The following HGF variants were observed in gnomAD, a reference collection of about 807,000 sequenced individuals.
HGF encodes the protein fibroblast-derived tumor cytotoxic factor.
In HGF, 39 loss-of-function variants were observed where a neutral mutation model predicts 111.6. The ratio of observed to expected loss-of-function variants is 0.35; its 90% CI spans 0.27 to 0.46. HGF has a LOEUF of 0.46. Ranked by LOEUF, HGF falls within the 20% of genes least tolerant of loss-of-function variation. The pLI, the probability that HGF is intolerant of heterozygous loss-of-function variation, is 1.00. For synonymous variants in HGF, 285 were observed against 294.8 expected, an observed-to-expected ratio of 0.97 and a Z score of 0.34; for missense variants, 735 against 910.5, an observed-to-expected ratio of 0.81 and a Z score of 2.48.
chr7:81,729,924 A>G, intron 7 of HGF, 145 bp from the exon 8 acceptor site: 1 of 650,808 alleles, frequency 1.5e-6, no homozygotes, highest in Non-Finnish European at 2.6e-6. Flanking sequence ...TGGAATAAGA[A>G]ATTTAACTTA....
rs1788066826 is a variant in HGF at position 81,742,928 on chromosome 7, G to T, written c.865+425C>A. The stretch of plus-strand genomic sequence containing the variant: ...ACTCACCAGAAGAAGTTCACCATCA[G>T]TTGAGAGCCCATGTTATGTCTCTGG... On this transcript the variant is annotated intron_variant, in intron 7 of 17. Transcript: ENST00000222390. 3 of 1,613,282 alleles carry T rather than the reference G, an allele frequency of 1.9e-6. No homozygotes were observed. The African/African-American group carries it at 4.0e-5, about 22-fold the overall frequency.
At chr7:81,750,883 C>T in intron 5 of HGF, 1 of 790,134 alleles carries the variant, frequency 1.3e-6, no homozygotes, top group Admixed American at 6.3e-5. Context: ...TCATACAAAA[C>T]AGACTTGTTC....
At chr7:81,732,342 C>T (rs2115945143) in intron 7 of HGF, among the ~76,000 whole-genome samples, 1 of 152,270 alleles carries the variant, frequency 6.6e-6, no homozygotes, top group Non-Finnish European at 1.5e-5. Context: ...AATATGGAAG[C>T]AGCTTCAAAA....
intron 17 of HGF, among the ~76,000 whole-genome samples, chr7:81,703,083 C>T (rs535698655): frequency 9.3e-4 from 141 of 151,616 alleles, no homozygotes; most frequent in Non-Finnish European, 1.7e-3. Context: ...CCATCGGTGC[C>T]TATTTAATAA....
intron 14 of HGF, among the ~76,000 whole-genome samples, chr7:81,706,921 A>C (rs1433448257): frequency 6.6e-6 from 1 of 151,790 alleles, no homozygotes; most frequent in Non-Finnish European, 1.5e-5. Context: ...CCTGAGGCTG[A>C]CTCTACAGGA....
intron 4 of HGF, 32 bp downstream of exon 4, chr7:81,757,157 G>A (rs1299343808): frequency 2.9e-6 from 3 of 1,042,916 alleles, no homozygotes; most frequent in East Asian, 4.7e-5. Flanking sequence ...AAAAGACAGA[G>A]GCTTCATCTC....
At position 81,706,383 on chromosome 7, in the gene HGF, T is replaced by A; in HGVS notation, c.1661A>T (p.His554Leu). Residue 554 changes from histidine to leucine, a missense_variant, in exon 15 of 18, where the codon CAC becomes CTC. Transcript: ENST00000222390. Reference sequence around the variant, plus strand: ...TTTGCATTTCTCATCTCCTCTTCCGTGGACATCATGAATTCCAAGCCAAGC... The same window carrying A: ...TTTGCATTTCTCATCTCCTCTTCCGAGGACATCATGAATTCCAAGCCAAGC... ...YEAWLGIHDV[H>L]GRGDEKCKQV... is the part of the protein sequence containing the mutation. The A allele has an allele frequency of 6.2e-7, 1 of 1,612,268 alleles. No individual in the cohort carries two copies. The highest frequency in any genetic ancestry group is 8.5e-7 in the Non-Finnish European group (1 of 1,178,556).
Position 81,762,824 on chromosome 7 carries a change from G to T in HGF, c.137C>A (p.Ala46Glu). ...RNTIHEFKKS[A>E]KTTLIKIDPA... ...ATCTATTTTGATTAGGGTAGTCTTTGCTGATTTTTTGAATTCATGAATTGT... is the reference window on the plus strand; with the variant it reads ...ATCTATTTTGATTAGGGTAGTCTTTTCTGATTTTTTGAATTCATGAATTGT... Residue 46 changes from alanine (A) to glutamate (E), a missense_variant, in exon 2 of 18, where the codon GCA becomes GAA. Ala to Glu is a moderately radical substitution (Grantham distance 107). Transcript: ENST00000222390. The T allele has an allele frequency of 6.3e-7, 1 of 1,596,972 alleles. No homozygotes were observed. Among genetic ancestry groups the T allele is most frequent in the Non-Finnish European group, 8.6e-7 (1 of 1,164,720 alleles).
intron 4 of HGF, chr7:81,756,841 C>T (rs1584001126): frequency 3.3e-6 from 1 of 300,778 alleles, no homozygotes; most frequent in East Asian, 8.1e-5. Context: ...AGATTCTCAT[C>T]TACCTCTGAT....
intron 10 of HGF, among the ~76,000 whole-genome samples, chr7:81,720,375 C>A (rs1432348656): frequency 6.6e-6 from 1 of 151,940 alleles, no homozygotes; most frequent in African/African-American, 2.4e-5. Flanking sequence ...TTTCAAACAC[C>A]AGATTTGCCA....
chr7:81,756,056 C>T, intron 4 of HGF: 1 of 701,744 alleles, frequency 1.4e-6, no homozygotes, highest in Non-Finnish European at 2.6e-6. Flanking sequence ...AGGCAGTCAT[C>T]ACCACCACTG....
intron 2 of HGF, among the ~76,000 whole-genome samples, chr7:81,759,318 A>C (rs1373126131): frequency 6.6e-6 from 1 of 152,154 alleles, no homozygotes; most frequent in Non-Finnish European, 1.5e-5. Context: ...GGTGCATTAG[A>C]TATATCAATG....
chr7:81,720,967 T>A (rs375814883), intron 9 of HGF, 120 bp from the exon 10 acceptor site: 1 of 679,678 alleles, frequency 1.5e-6, no homozygotes, highest in African/African-American at 1.8e-5. Flanking sequence ...TTGAAAGGGC[T>A]GGGTGCGGTG....
At chr7:81,762,036 G>A (rs1302763221) in intron 2 of HGF, among the ~76,000 whole-genome samples, 1 of 152,134 alleles carries the variant, frequency 6.6e-6, no homozygotes, top group East Asian at 1.9e-4. Context: ...TTCTTAACAG[G>A]CCACAGACTA....
intron 9 of HGF, among the ~76,000 whole-genome samples, chr7:81,725,650 T>G (rs1789985897): frequency 6.6e-6 from 1 of 152,176 alleles, no homozygotes; most frequent in African/African-American, 2.4e-5. Flanking sequence ...AGCTTAGTTT[T>G]GTTTACTGGT....
At chr7:81,727,593 A>G (rs1322464172) in intron 8 of HGF, among the ~76,000 whole-genome samples, 1 of 151,844 alleles carries the variant, frequency 6.6e-6, no homozygotes, top group Non-Finnish European at 1.5e-5. Context: ...AAAAAAATCT[A>G]TGTCAGTATA....
intron 3 of HGF, among the ~76,000 whole-genome samples, chr7:81,758,457 A>G (rs1584004879): frequency 6.6e-6 from 1 of 151,972 alleles, no homozygotes; most frequent in African/African-American, 2.4e-5. Flanking sequence ...AAAAATAAAC[A>G]GAGGGAGGAA....
At chr7:81,728,152 G>A (rs999483612) in intron 8 of HGF, among the ~76,000 whole-genome samples, 1 of 152,148 alleles carries the variant, frequency 6.6e-6, no homozygotes, top group East Asian at 1.9e-4. Flanking sequence ...GTAAATCAAT[G>A]TCCTGAGAAA....
intron 8 of HGF, among the ~76,000 whole-genome samples, chr7:81,726,980 A>T (rs1041736972): frequency 1.3e-5 from 2 of 151,942 alleles, no homozygotes; most frequent in African/African-American, 2.4e-5. Flanking sequence ...ACTTAGGTCC[A>T]ATTAGAAGTA....
Sources: allele counts gnomAD v4.1 joint callset (sites outside exome capture counted in the v4.1 genomes callset), GRCh38; gene constraint gnomAD v4.1.1; transcripts MANE v1.5; gene names NCBI Gene and HGNC (gene_info 2026-07-23, HGNC 2026-07-21).